ECH1: variants seen among roughly 807,000 people sequenced by gnomAD.
The protein encoded by ECH1 is delta(3,5)-Delta(2,4)-dienoyl-CoA isomerase, mitochondrial.
ECH1 carries 30 observed loss-of-function variants against 37.0 expected under a neutral mutation model. The ratio of observed to expected loss-of-function variants is 0.81; its 90% CI spans 0.61 to 1.10. ECH1 has a LOEUF of 1.10. ECH1 is among the 50% of genes least tolerant of loss of function. The pLI is 0.00. For missense variants in ECH1, 456 were observed against 441.6 expected, an observed-to-expected ratio of 1.03 and a Z score of -0.29; for synonymous variants, 178 against 176.0, an observed-to-expected ratio of 1.01 and a Z score of -0.09.
intron 3 of ECH1, among the ~76,000 whole-genome samples, chr19:38,828,498 C>T (rs1971769569): frequency 6.6e-6 from 1 of 152,162 alleles, no homozygotes; most frequent in Non-Finnish European, 1.5e-5. Context: ...TCCCAAAGTG[C>T]TGGGATTACA....
At position 38,825,735 on chromosome 19, in the gene ECH1, C is replaced by T. The variant is rs150258000; in HGVS notation, c.349+5343G>A. ...TCACCCGGTAGGGCTTGTTATCATG[C>T]GGTTTACTAGGACACTTTAAAAAAG... On this transcript the variant is annotated intron_variant, in intron 3 of 9. Transcript: ENST00000221418. Among the ~76,000 whole-genome samples the T allele has an allele frequency of 2.6e-4, 39 of 152,276 alleles. No individual in the cohort carries two copies. The East Asian group carries it at 5.0e-3, about 20-fold the overall frequency.
Position 38,815,875 on chromosome 19 carries a change from GGCCAC to G in ECH1, c.859_863del (p.Val287ArgfsTer28). On this transcript the variant is annotated frameshift_variant, in exon 9 of 10. Transcript: ENST00000221418. LOFTEE classifies it low-confidence loss of function (END_TRUNC). ...ACCTTACCACGTAGTTGAGGCTCTC[GGCCAC>G]CGAATGGTCGCGGGAATACAGCAGG... 6.2e-7 allele frequency: 1 copy of G among 1,614,172 alleles called. No homozygotes were observed. The highest frequency in any genetic ancestry group is 8.5e-7 in the Non-Finnish European group (1 of 1,180,034).
rs763824946 is a variant in ECH1, at chr19:38,831,108, T to G, written c.319A>C (p.Ile107Leu). Residue 107 changes from isoleucine (I) to leucine (L), a missense_variant, in exon 3 of 10, where the codon ATC becomes CTC. By Grantham distance (5) the Ile-to-Leu change is conservative. Transcript: ENST00000221418. The part of the protein sequence containing the change: ...SRDADCRAVV[I>L]SGAGKMFTAG... ...GTGAACATTTTTCCTGCACCAGAGA[T>G]CACCACCGCCCGACAGTCAGCGTCT... 1 of 1,613,792 alleles carries G rather than the reference T, an allele frequency of 6.2e-7. No individual in the cohort carries two copies. The highest frequency in any genetic ancestry group is 8.5e-7 in the Non-Finnish European group (1 of 1,179,940).
In ECH1 at chr19:38,815,656, G is replaced by A; in HGVS notation, c.944C>T (p.Thr315Ile). 2 of 1,614,232 alleles carry A rather than the reference G, an allele frequency of 1.2e-6. No individual in the cohort carries two copies. The highest frequency in any genetic ancestry group is 8.5e-7 in the Non-Finnish European group (1 of 1,180,054). Residue 315 changes from threonine (T) to isoleucine (I), a missense_variant, in exon 10 of 10, where the codon ACT (threonine) becomes ATT (isoleucine). By Grantham distance (89) the Thr-to-Ile change is moderately conservative (BLOSUM62 -1). Transcript: ENST00000221418. ...GACGGTTTTCAGTTCCTTGTTCTCA[G>A]TCGTGGCCTGGACCGACTTCACGAG... Reference protein sequence around the residue: ...QDLVKSVQATTENKELKTVTF... With the variant: ...QDLVKSVQATIENKELKTVTF...
chr19:38,826,409 T>C (rs1284337290), intron 3 of ECH1, among the ~76,000 whole-genome samples: 3 of 152,188 alleles, frequency 2.0e-5, no homozygotes, highest in African/African-American at 7.2e-5. Flanking sequence ...CATAAACGAT[T>C]ACAGAATATT....
chr19:38,816,442 C>T lies in ECH1; in HGVS notation c.659+11G>A. 1.9e-6 allele frequency: 3 copies of T among 1,614,144 alleles called. No individual in the cohort carries two copies. The highest frequency in any genetic ancestry group is 1.7e-6 in the Non-Finnish European group (2 of 1,180,006). On this transcript the variant is annotated intron_variant, in intron 7 of 9. Transcript: ENST00000221418. Reference sequence around the variant, plus strand: ...GTCTCCTGCCCACACCCCCACACCCCCTGCACCCACCTCTGGTTCCCGATG... The same window carrying T: ...GTCTCCTGCCCACACCCCCACACCCTCTGCACCCACCTCTGGTTCCCGATG...
chr19:38,823,620 A>C (rs1174015458), intron 3 of ECH1, among the ~76,000 whole-genome samples: 1 of 151,920 alleles, frequency 6.6e-6, no homozygotes, highest in Non-Finnish European at 1.5e-5. Context: ...CTTTTCCTGT[A>C]CTTCTGGGCT....
At chr19:38,818,933 G>GCGCA (rs1480267600) in intron 3 of ECH1, among the ~76,000 whole-genome samples, 2 of 78,764 alleles carry the variant, frequency 2.5e-5, no homozygotes, top group East Asian at 3.2e-3. Flanking sequence ...GTGTGTGTGT[G>GCGCA]CACTGTTCCC....
rs748239184 is a variant in ECH1, at chr19:38,815,576, G to C, written c.*37C>G. 1 of 1,592,048 alleles carries C rather than the reference G, an allele frequency of 6.3e-7. No homozygotes were observed. Among genetic ancestry groups the C allele is most frequent in the Non-Finnish European group, 8.6e-7 (1 of 1,161,128 alleles). On this transcript the variant is annotated 3_prime_UTR_variant, in exon 10 of 10. Transcript: ENST00000221418. ...CTTTCTGTGGATGAGGCGGGACAAG[G>C]CCGGCCCCCTGGCTGGGGCCTGGGA...
At chr19:38,822,528 G>A (rs573295450) in intron 3 of ECH1, among the ~76,000 whole-genome samples, 1 of 150,364 alleles carries the variant, frequency 6.7e-6, no homozygotes, top group East Asian at 2.0e-4. Flanking sequence ...GTCTAGCTAA[G>A]GGATTGTAAA....
intron 3 of ECH1, among the ~76,000 whole-genome samples, chr19:38,824,301 C>CT (rs1333223915): frequency 2.0e-5 from 3 of 152,172 alleles, no homozygotes; most frequent in Non-Finnish European, 2.9e-5. Context: ...TCCATGTGGT[C>CT]TGAGAGGAAA....
At chr19:38,824,254 G>A (rs370435050) in intron 3 of ECH1, among the ~76,000 whole-genome samples, 17 of 151,992 alleles carry the variant, frequency 1.1e-4, no homozygotes, top group East Asian at 1.9e-4. Flanking sequence ...TCAAGAATGC[G>A]TCGGTAAGGG....
At chr19:38,819,460 G>A (rs1338275116) in intron 3 of ECH1, among the ~76,000 whole-genome samples, 1 of 151,944 alleles carries the variant, frequency 6.6e-6, no homozygotes, top group Non-Finnish European at 1.5e-5. Flanking sequence ...CTATAATTAG[G>A]TCCTTATCTG....
chr19:38,824,332 G>A (rs746296175), intron 3 of ECH1, among the ~76,000 whole-genome samples: 6 of 152,162 alleles, frequency 3.9e-5, no homozygotes, highest in South Asian at 2.1e-4. Flanking sequence ...CTGCTGCTGC[G>A]TTGATGAGCA....
At position 38,815,857 on chromosome 19, in the gene ECH1, C is replaced by T; in HGVS notation, c.882G>A (p.Val294=). 6.2e-7 allele frequency: 1 copy of T among 1,614,164 alleles called. No individual in the cohort carries two copies. The highest frequency in any genetic ancestry group is 8.5e-7 in the Non-Finnish European group (1 of 1,180,016). The change falls in exon 9 of 10, where the codon GTG becomes GTA. Residue 294 remains valine, a splice_region_variant and synonymous_variant. Transcript: ENST00000221418. ...TGATTGGTCGGAGCGTGCACCTTACCACGTAGTTGAGGCTCTCGGCCACCG... is the reference window on the plus strand; with the variant it reads ...TGATTGGTCGGAGCGTGCACCTTACTACGTAGTTGAGGCTCTCGGCCACCG... ...DHSVAESLNY[V]ASWNMSMLQT... is the part of the protein sequence containing the mutation.
At chr19:38,821,537 T>C (rs1346734154) in intron 3 of ECH1, among the ~76,000 whole-genome samples, 1 of 152,152 alleles carries the variant, frequency 6.6e-6, no homozygotes, top group Non-Finnish European at 1.5e-5. Context: ...CGCAGTGCTC[T>C]CCGGCCAGCG....
intron 6 of ECH1, among the ~76,000 whole-genome samples, chr19:38,816,774 A>G (rs779127607): frequency 6.6e-6 from 1 of 151,886 alleles, no homozygotes; most frequent in Non-Finnish European, 1.5e-5. Context: ...GTGAGAGAGG[A>G]ACCCTCCTCA....
intron 3 of ECH1, among the ~76,000 whole-genome samples, chr19:38,818,638 C>T (rs960263231): frequency 1.3e-5 from 2 of 152,172 alleles, no homozygotes; most frequent in Non-Finnish European, 2.9e-5. Context: ...CAGGCGCCCA[C>T]CACCATGCCC....
intron 3 of ECH1, among the ~76,000 whole-genome samples, chr19:38,822,654 A>G (rs966578985): frequency 2.0e-5 from 3 of 151,860 alleles, no homozygotes; most frequent in African/African-American, 7.3e-5. Flanking sequence ...TAGCTAATCT[A>G]GTGGGGACTT....
Sources: gnomAD v4.1 joint callset for allele counts (sites outside exome capture counted in the v4.1 genomes callset) on GRCh38, gnomAD v4.1.1 for gene constraint, MANE v1.5 for transcripts, NCBI Gene and HGNC (gene_info 2026-07-23, HGNC 2026-07-21) for gene names.